TLN1: variants seen among roughly 807,000 people sequenced by gnomAD.
TLN1 encodes talin-1.
In TLN1, 56 loss-of-function variants were observed where a neutral mutation model predicts 292.3. The observed-to-expected ratio is 0.19, with a 90% CI of 0.15 to 0.24. The LOEUF is 0.24. Among genes scored for constraint, TLN1 ranks in the 10% least tolerant of loss-of-function variants. The probability of loss-of-function intolerance (pLI) is 1.00; values close to 1 mark genes in which losing one functional copy is unlikely to be tolerated. For missense variants in TLN1, 2,433 were observed against 3,248.2 expected (o/e 0.75, Z 6.10); for synonymous variants, 1,119 against 1,253.7 (o/e 0.89, Z 2.27).
rs1489344278 is a variant in TLN1, at chr9:35,714,380, G to A, written c.2986-7C>T. ...CCACCATCTTCCCACCTGGCTGTTG[G>A]GGAATAGGCAGGTGGATGAAGTGTG... On this transcript the variant is annotated splice_region_variant and splice_polypyrimidine_tract_variant and intron_variant, in intron 23 of 56. Transcript: ENST00000314888. The surrounding 1 kb of genome is among the most constrained non-coding windows in gnomAD (Gnocchi z 4.6). 4 of 1,606,214 alleles carry A rather than the reference G, an allele frequency of 2.5e-6. No homozygotes were observed. The South Asian group carries it at 4.4e-5, about 18-fold the overall frequency.
chr9:35,724,276 C>T lies in TLN1; in HGVS notation c.570G>A (p.Thr190=), dbSNP rs374398737. The T allele has an allele frequency of 1.6e-4, 263 of 1,614,044 alleles. No individual in the cohort carries two copies. Among genetic ancestry groups the T allele is most frequent in the Middle Eastern group, 8.2e-4 (5 of 6,084 alleles). Reference sequence around the variant, plus strand: ...AAAAGAACTTCCTCCGCAGCAGCAGCGTCTCGTGCTCCTCTACACCCTGCT... The same window carrying T: ...AAAAGAACTTCCTCCGCAGCAGCAGTGTCTCGTGCTCCTCTACACCCTGCT... The part of the protein sequence containing the change: ...LREQGVEEHE[T]LLLRRKFFYS... The change falls in exon 6 of 57, where the codon ACG becomes ACA. Residue 190 remains threonine (T), a synonymous_variant. Coordinates refer to ENST00000314888, the MANE Select transcript of TLN1 (RefSeq NM_006289.4). This position sits in a 1 kb window ranked among gnomAD's most constrained non-coding sequence, Gnocchi z 4.7.
In TLN1 at chr9:35,699,898, A is replaced by G; in HGVS notation, c.6768+76T>C. ...AGGAGATCTGAGCAAAACAGACAGC[A>G]GGGTGCGAGGCCTGCAGGAAGAGGG... is the stretch of plus-strand genomic sequence containing the variant. On this transcript the variant is annotated intron_variant, in intron 50 of 56. Coordinates refer to ENST00000314888, the MANE Select transcript of TLN1 (RefSeq NM_006289.4). This position sits in a 1 kb window ranked among gnomAD's most constrained non-coding sequence, Gnocchi z 4.0. The G allele has an allele frequency of 7.0e-7, 1 of 1,433,064 alleles. No individual in the cohort carries two copies. The highest frequency in any genetic ancestry group is 2.0e-5 in the Admixed American group (1 of 50,000). The allele number at this position is 1,433,064 out of a possible 1,614,324, so 88.8% of individuals were successfully genotyped here. A position where few individuals can be genotyped will look rare whatever the true frequency, so the allele number is the denominator to read the frequency against.
chr9:35,708,887 A>G (rs1182613214), intron 33 of TLN1, among the ~76,000 whole-genome samples: 6 of 152,246 alleles, frequency 3.9e-5, no homozygotes, highest in Non-Finnish European at 7.3e-5. Flanking sequence ...CCTCTTTTAA[A>G]GACAGTTCAA....
chr9:35,716,059 T>C (rs1825775094), intron 20 of TLN1, among the ~76,000 whole-genome samples: 1 of 152,006 alleles, frequency 6.6e-6, no homozygotes, highest in African/African-American at 2.4e-5. Context: ...TTATGTCAAT[T>C]AAAAAATAAT....
chr9:35,720,185 C>G lies in TLN1; in HGVS notation c.1318G>C (p.Gly440Arg), dbSNP rs1259994379. Reference protein sequence around the residue: ...TVLQQQYNRVGKVEHGSVALP... With the variant: ...TVLQQQYNRVRKVEHGSVALP... ...GCCACAGAGCCATGCTCCACTTTCC[C>G]CACCCGGTTGTATTGCTGCTGCAGG... is the stretch of plus-strand genomic sequence containing the variant. The change falls in exon 13 of 57, where the codon GGG becomes CGG. Residue 440 changes from glycine to arginine, a missense_variant. Physicochemically the swap from Gly to Arg is moderately radical, Grantham distance 125. This residue lies in a region of TLN1 where 617 missense variants were observed against 770.6 expected (regional missense o/e 0.80). Coordinates refer to ENST00000314888, the MANE Select transcript of TLN1 (RefSeq NM_006289.4). 2 of 1,604,248 alleles carry G rather than the reference C, an allele frequency of 1.2e-6. No individual in the cohort carries two copies. Among genetic ancestry groups the G allele is most frequent in the South Asian group, 2.2e-5 (2 of 89,482 alleles).
chr9:35,719,101 C>A lies in TLN1; in HGVS notation c.1869G>T (p.Leu623=). The change falls in exon 16 of 57, where the codon CTG becomes CTT. Residue 623 remains leucine (L), a synonymous_variant. Coordinates refer to ENST00000314888, the MANE Select transcript of TLN1 (RefSeq NM_006289.4). The surrounding 1 kb of genome is among the most constrained non-coding windows in gnomAD (Gnocchi z 4.6). ...CAGCACTGGCTGGTTGGGCACTGCG[C>A]AGCAGTTCTGACACTGCTCCCGCAA... is the stretch of plus-strand genomic sequence containing the variant. ...KGLAGAVSEL[L]RSAQPASAEP... is the part of the protein sequence containing the mutation. 6.2e-7 allele frequency: 1 copy of A among 1,613,734 alleles called. No individual in the cohort carries two copies. Among genetic ancestry groups the A allele is most frequent in the Non-Finnish European group, 8.5e-7 (1 of 1,180,000 alleles).
chr9:35,717,513 G>T lies in TLN1; in HGVS notation c.2164-73C>A, dbSNP rs1825807707. On this transcript the variant is annotated intron_variant, in intron 18 of 56. Transcript: ENST00000314888. This position sits in a 1 kb window ranked among gnomAD's most constrained non-coding sequence, Gnocchi z 4.7. ...GAGTATGCTGCTCATAGCAGTAACT[G>T]GGATGGGTGAGGAGGCCTCCAGAGC... 1.3e-6 allele frequency: 2 copies of T among 1,578,086 alleles called. No homozygotes were observed. The highest frequency in any genetic ancestry group is 2.3e-5 in the South Asian group (2 of 86,584).
At position 35,719,686 on chromosome 9, in the gene TLN1, TC is replaced by T. The variant is rs1350103926; in HGVS notation, c.1578+53del. On this transcript the variant is annotated intron_variant, in intron 14 of 56. Transcript: ENST00000314888. The surrounding 1 kb of genome is among the most constrained non-coding windows in gnomAD (Gnocchi z 4.6). Reference sequence around the variant, plus strand: ...CCTGGTTTGGTTCACCTCATCCCTATCCCTTGGAGTCTCAGCTTCAGTACCA... The same window carrying T: ...CCTGGTTTGGTTCACCTCATCCCTATCCTTGGAGTCTCAGCTTCAGTACCA... The T allele has an allele frequency of 6.2e-7, 1 of 1,611,566 alleles. No homozygotes were observed.
At chr9:35,702,405 T>A (rs1361332921) in intron 48 of TLN1, among the ~76,000 whole-genome samples, 1 of 152,152 alleles carries the variant, frequency 6.6e-6, no homozygotes, top group Non-Finnish European at 1.5e-5. Flanking sequence ...GCCTCCACAT[T>A]TACTAAGTTA....
At position 35,713,245 on chromosome 9, in the gene TLN1, G is replaced by A. The variant is rs1825709060; in HGVS notation, c.3303C>T (p.Ala1101=). ...CAACCTCTCCCAGTAGCTGGGCGAT[G>A]GCTGAGCTCACGGCTTTGGTGCTGT... ...LGNSTKAVSS[A]IAQLLGEVAQ... Residue 1101 remains alanine, a synonymous_variant, in exon 26 of 57, where the codon GCC becomes GCT. Coordinates refer to ENST00000314888, the MANE Select transcript of TLN1 (RefSeq NM_006289.4). 6.2e-7 allele frequency: 1 copy of A among 1,600,184 alleles called. No homozygotes were observed. The highest frequency in any genetic ancestry group is 8.6e-7 in the Non-Finnish European group (1 of 1,168,326).
chr9:35,714,223 GA>G lies in TLN1; in HGVS notation c.3120+15del. 1 of 1,601,758 alleles carries G rather than the reference GA, an allele frequency of 6.2e-7. No homozygotes were observed. Among genetic ancestry groups the G allele is most frequent in the East Asian group, 2.2e-5 (1 of 44,600 alleles). On this transcript the variant is annotated intron_variant, in intron 24 of 56. Transcript: ENST00000314888. This position sits in a 1 kb window ranked among gnomAD's most constrained non-coding sequence, Gnocchi z 4.6. ...ACTCCAGCCTCATCTTCCAAAGCCAGAACCAGCTTCCATACCTTCTGGGCAG... is the reference window on the plus strand; with the variant it reads ...ACTCCAGCCTCATCTTCCAAAGCCAGACCAGCTTCCATACCTTCTGGGCAG...
Position 35,705,579 on chromosome 9 carries a change from G to C in TLN1, c.5705C>G (p.Pro1902Arg). The change falls in exon 43 of 57, where the codon CCT becomes CGT. Residue 1902 changes from proline to arginine, a missense_variant. Pro to Arg is a moderately radical substitution (Grantham distance 103). Coordinates refer to ENST00000314888, the MANE Select transcript of TLN1 (RefSeq NM_006289.4). ...TTCATTTTCAGCAGCCACCGCTGCA[G>C]GCTTGGCCTCCGAGGCCAGACGGCC... ...DYGRLASEAK[P>R]AAVAAENEEI... 6.2e-7 allele frequency: 1 copy of C among 1,603,112 alleles called. No individual in the cohort carries two copies. Among genetic ancestry groups the C allele is most frequent in the Non-Finnish European group, 8.5e-7 (1 of 1,172,142 alleles).
chr9:35,728,067 G>A (rs1003120559), intron 1 of TLN1, among the ~76,000 whole-genome samples: 1 of 152,080 alleles, frequency 6.6e-6, no homozygotes, highest in Non-Finnish European at 1.5e-5. Flanking sequence ...CCCCACTGCC[G>A]TGTCCCCCTC....
At chr9:35,731,220 A>C (rs1015686308) in intron 1 of TLN1, among the ~76,000 whole-genome samples, 1 of 152,180 alleles carries the variant, frequency 6.6e-6, no homozygotes, top group Non-Finnish European at 1.5e-5. Flanking sequence ...AACCTCTTAA[A>C]TTTTATCTGC....
chr9:35,720,244 TCACA>T, intron 12 of TLN1, 25 bp from the exon 13 acceptor site: 3 of 1,558,026 alleles, frequency 1.9e-6, no homozygotes, highest in Non-Finnish European at 2.6e-6. Flanking sequence ...ACTATTGAGC[TCACA>T]GAGGACTCCT....
chr9:35,722,522 T>C (rs1825894920), intron 8 of TLN1, among the ~76,000 whole-genome samples: 1 of 152,208 alleles, frequency 6.6e-6, no homozygotes, highest in Non-Finnish European at 1.5e-5. Context: ...GGTAACACCT[T>C]ATAGTGGACA....
chr9:35,701,029 G>C (rs2131880925), intron 48 of TLN1, among the ~76,000 whole-genome samples: 1 of 152,302 alleles, frequency 6.6e-6, no homozygotes, highest in East Asian at 1.9e-4. Context: ...GCTGTGATGA[G>C]AACTACTTCA....
Position 35,699,822 on chromosome 9 carries a change from A to C in TLN1, c.6768+152T>G. 8.4e-6 allele frequency: 9 copies of C among 1,068,170 alleles called. No individual in the cohort carries two copies. Among genetic ancestry groups the C allele is most frequent in the African/African-American group, 1.6e-5 (1 of 62,410 alleles). 66.2% of individuals were successfully genotyped at this position (1,068,170 alleles called of 1,614,324 possible). A position where few individuals can be genotyped will look rare whatever the true frequency, so the allele number is the denominator to read the frequency against. ...ATAAGAAGGATGGGGCCTGGGAGAA[A>C]GGGAGACTTGGAAAGGAGAACAGAT... On this transcript the variant is annotated intron_variant, in intron 50 of 56. Transcript: ENST00000314888. This position sits in a 1 kb window ranked among gnomAD's most constrained non-coding sequence, Gnocchi z 4.0.
Position 35,707,617 on chromosome 9 carries a change from G to C in TLN1, c.4632+114C>G, listed in dbSNP as rs1825589648. 1.3e-6 allele frequency: 2 copies of C among 1,579,572 alleles called. No individual in the cohort carries two copies. The highest frequency in any genetic ancestry group is 2.7e-5 in the African/African-American group (2 of 74,230). On this transcript the variant is annotated intron_variant, in intron 35 of 56. Coordinates refer to ENST00000314888, the MANE Select transcript of TLN1 (RefSeq NM_006289.4). The surrounding 1 kb of genome is among the most constrained non-coding windows in gnomAD (Gnocchi z 5.6). ...GCTAGGTGGTCAGTCTGAATAGAAA[G>C]AGCTTGGGCTCAGGCAGAGGGGATT...
Sources: gnomAD v4.1 joint callset for allele counts (sites outside exome capture counted in the v4.1 genomes callset) on GRCh38, gnomAD v4.1.1 for gene constraint, gnomAD v4.1.1 regional missense constraint, Gnocchi (gnomAD v3.1) non-coding constraint, MANE v1.5 for transcripts, NCBI Gene and HGNC (gene_info 2026-07-23, HGNC 2026-07-21) for gene names.